Variants in PCDHGB1 observed in about 807,000 individuals in gnomAD.
PCDHGB1 encodes protocadherin gamma-B1.
A neutral mutation model predicts 56.6 loss-of-function variants in PCDHGB1; 34 were observed. The ratio of observed to expected loss-of-function variants is 0.60; its 90% CI spans 0.46 to 0.80. The LOEUF (loss-of-function observed/expected upper bound fraction) is 0.80, where lower values mean the gene tolerates loss of function less well. Among genes scored for constraint, PCDHGB1 ranks in the 30% least tolerant of loss-of-function variants. The probability of loss-of-function intolerance (pLI) is 0.00; values close to 1 mark genes in which losing one functional copy is unlikely to be tolerated. For missense variants in PCDHGB1, 1,278 were observed against 1,204.6 expected (o/e 1.06, Z -0.90); for synonymous variants, 561 against 505.9 (o/e 1.11, Z -1.46).
At chr5:141,396,795 G>T (rs1022475514) in intron 1 of PCDHGB1, among the ~76,000 whole-genome samples, 1 of 152,180 alleles carries the variant, frequency 6.6e-6, no homozygotes, top group Admixed American at 6.5e-5. Context: ...ATTTCCTAAG[G>T]ATTGTGTAGT....
intron 1 of PCDHGB1, chr5:141,399,835 C>T (rs756646382): frequency 1.2e-6 from 2 of 1,613,164 alleles, no homozygotes; most frequent in South Asian, 2.2e-5. Flanking sequence ...CGGCTCTGCG[C>T]TCTTCGATAT....
Position 141,477,710 on chromosome 5 carries a change from G to A in PCDHGB1, c.2410-17097G>A, listed in dbSNP as rs747156156. ...GCCCCTAGACTATGAGGATCGGCGG[G>A]AATTTGAATTAACAGCTCATATCAG... On this transcript the variant is annotated intron_variant, in intron 1 of 3. Transcript: ENST00000523390. This position sits in a 1 kb window ranked among gnomAD's most constrained non-coding sequence, Gnocchi z 4.9. 2.5e-6 allele frequency: 4 copies of A among 1,613,918 alleles called. No homozygotes were observed. Among genetic ancestry groups the A allele is most frequent in the Middle Eastern group, 3.3e-4 (2 of 6,062 alleles).
At chr5:141,494,682 C>G (rs1282135022) in intron 1 of PCDHGB1, 125 bp from the exon 2 acceptor site, 16 of 1,564,362 alleles carry the variant, frequency 1.0e-5, no homozygotes, top group African/African-American at 1.4e-5. Context: ...ACCCCTGCCC[C>G]CTCTTAGTCC....
chr5:141,399,093 A>C, intron 1 of PCDHGB1: 1 of 1,613,820 alleles, frequency 6.2e-7, no homozygotes. Flanking sequence ...ATGGTGGTGG[A>C]CTGGTTGCAC....
At chr5:141,499,606 C>T (rs2099792968) in intron 2 of PCDHGB1, among the ~76,000 whole-genome samples, 1 of 152,028 alleles carries the variant, frequency 6.6e-6, no homozygotes, top group African/African-American at 2.4e-5. Context: ...TATCCCTACC[C>T]TTATCCTGTC....
At chr5:141,388,085 C>G in intron 1 of PCDHGB1, 1 of 1,363,472 alleles carries the variant, frequency 7.3e-7, no homozygotes, top group Non-Finnish European at 1.0e-6. Context: ...GAAAACTGCG[C>G]GTCAGTTCGG....
At chr5:141,430,877 G>A (rs1392342627) in intron 1 of PCDHGB1, 5 of 1,600,678 alleles carry the variant, frequency 3.1e-6, no homozygotes, top group African/African-American at 2.7e-5. Context: ...GGAAGAGCTG[G>A]AGAAAGGCTC....
chr5:141,399,133 G>A (rs1054849184), intron 1 of PCDHGB1: 1 of 1,613,714 alleles, frequency 6.2e-7, no homozygotes, highest in Non-Finnish European at 8.5e-7. Flanking sequence ...TATTCAAGAT[G>A]AAAATGACAA....
intron 1 of PCDHGB1, chr5:141,427,830 C>T (rs749612858): frequency 7.8e-6 from 12 of 1,538,204 alleles, no homozygotes; most frequent in African/African-American, 1.4e-5. Flanking sequence ...GGTCGCGCAG[C>T]GTGCCTTCGA....
chr5:141,421,970 A>C, intron 1 of PCDHGB1: 1 of 1,610,928 alleles, frequency 6.2e-7, no homozygotes, highest in Middle Eastern at 1.7e-4. Flanking sequence ...CAGTCCGTAT[A>C]TCGCGTGAGT....
In PCDHGB1 at chr5:141,394,984, T is replaced by C. The variant is rs777878747; in HGVS notation, c.2409+42315T>C. On this transcript the variant is annotated intron_variant, in intron 1 of 3. Transcript: ENST00000523390. ...CTGAGGCGCTGGCACAAGTCACGCC[T>C]GCTCCAGGATTCCGGTGGCAGATTG... 5 of 1,614,026 alleles carry C rather than the reference T, an allele frequency of 3.1e-6. 1 individual carries two copies. In the South Asian group the frequency reaches 4.4e-5, roughly 14 times the overall value.
intron 1 of PCDHGB1, chr5:141,428,805 C>G (rs1468764398): frequency 6.6e-6 from 1 of 152,108 alleles, no homozygotes; most frequent in African/African-American, 2.4e-5. Flanking sequence ...GGGCCAGTAA[C>G]TTCATTATTA....
At chr5:141,415,863 GTGT>G in intron 1 of PCDHGB1, 1 of 1,107,154 alleles carries the variant, frequency 9.0e-7, no homozygotes, top group Non-Finnish European at 1.2e-6. Flanking sequence ...GTAGTTTATA[GTGT>G]TGTTGAGTAC....
At chr5:141,355,564 G>A in intron 1 of PCDHGB1, 2 of 1,614,036 alleles carry the variant, frequency 1.2e-6, no homozygotes, top group South Asian at 1.1e-5. Context: ...GGTAGAGGTG[G>A]AAATAATCGA....
At chr5:141,374,601 G>A (rs772584663) in intron 1 of PCDHGB1, 1 of 1,613,676 alleles carries the variant, frequency 6.2e-7, no homozygotes, top group Middle Eastern at 1.6e-4. Flanking sequence ...TTTAAGCTCA[G>A]TGGTAATAGT....
At chr5:141,416,115 A>G (rs2095995433) in intron 1 of PCDHGB1, 2 of 155,406 alleles carry the variant, frequency 1.3e-5, no homozygotes, top group East Asian at 1.9e-4. Context: ...TTCAAACTAC[A>G]TTTTATATAT....
intron 2 of PCDHGB1, among the ~76,000 whole-genome samples, chr5:141,496,391 A>G (rs1473991011): frequency 1.3e-5 from 2 of 151,930 alleles, no homozygotes; most frequent in Admixed American, 6.6e-5. Flanking sequence ...ACCTTACCCT[A>G]CCTCCTCAAT....
chr5:141,397,047 G>T (rs180929307), intron 1 of PCDHGB1, among the ~76,000 whole-genome samples: 4 of 152,276 alleles, frequency 2.6e-5, no homozygotes, highest in Admixed American at 2.0e-4. Flanking sequence ...TTATGTAAAT[G>T]AACTTATGAG....
chr5:141,407,425 CTT>C (rs1307911949), intron 1 of PCDHGB1, among the ~76,000 whole-genome samples: 3 of 151,864 alleles, frequency 2.0e-5, no homozygotes, highest in African/African-American at 4.8e-5. Context: ...AAAAATGTCT[CTT>C]GCCCTTAAAA....
Sources: allele counts gnomAD v4.1 joint callset (sites outside exome capture counted in the v4.1 genomes callset), GRCh38; gene constraint gnomAD v4.1.1; non-coding constraint Gnocchi (gnomAD v3.1); transcripts MANE v1.5; gene names NCBI Gene and HGNC (gene_info 2026-07-23, HGNC 2026-07-21).